Variants in DOCK2 observed in about 807,000 individuals in gnomAD.
DOCK2 encodes the protein dedicator of cytokinesis 2, also known as dedicator of cytokinesis protein 2.
In DOCK2, 87 loss-of-function variants were observed where a neutral mutation model predicts 248.9. The ratio of observed to expected loss-of-function variants is 0.35; its 90% CI spans 0.29 to 0.42. DOCK2 has a LOEUF of 0.42. DOCK2 is among the 10% of genes least tolerant of loss of function. The pLI, the probability that DOCK2 is intolerant of heterozygous loss-of-function variation, is 1.00. For missense variants in DOCK2, 1,747 were observed against 2,300.2 expected (o/e 0.76, Z 4.92); for synonymous variants, 805 against 821.6 (o/e 0.98, Z 0.35).
intron 27 of DOCK2, among the ~76,000 whole-genome samples, chr5:169,904,590 A>G (rs964211854): frequency 6.6e-6 from 1 of 152,022 alleles, no homozygotes; most frequent in Non-Finnish European, 1.5e-5. Context: ...CCATCATCTC[A>G]TTCTCTCTCA....
intron 27 of DOCK2, among the ~76,000 whole-genome samples, chr5:169,896,163 C>G (rs1238564265): frequency 1.3e-5 from 2 of 151,396 alleles, no homozygotes; most frequent in Non-Finnish European, 2.9e-5. Context: ...AGCCAGAAAC[C>G]GTTGCTCCTG....
intron 34 of DOCK2, among the ~76,000 whole-genome samples, chr5:170,033,813 A>C (rs1756228158): frequency 1.3e-5 from 2 of 152,216 alleles, no homozygotes; most frequent in South Asian, 4.1e-4. Flanking sequence ...TACTTTTCTC[A>C]CCTAGCTCTA....
chr5:169,951,644 G>C (rs1417760695), intron 27 of DOCK2, among the ~76,000 whole-genome samples: 1 of 152,204 alleles, frequency 6.6e-6, no homozygotes, highest in Non-Finnish European at 1.5e-5. Flanking sequence ...ATAGCATTAT[G>C]ATGAGGGTCC....
At position 170,079,127 on chromosome 5, in the gene DOCK2, C is replaced by T; in HGVS notation, c.5147C>T (p.Ala1716Val). The T allele has an allele frequency of 6.2e-7, 1 of 1,613,722 alleles. No homozygotes were observed. Among genetic ancestry groups the T allele is most frequent in the East Asian group, 2.2e-5 (1 of 44,884 alleles). ...SVVFADEKAA[A>V]ESDLKRLSRK... ...GTTTTTGCGGATGAGAAAGCAGCTG[C>T]AGAGTCGGACCTGAAGCGGGTGAGT... The change falls in exon 49 of 52, where the codon GCA (alanine) becomes GTA (valine). Residue 1716 changes from alanine to valine, a missense_variant. Around this residue, in one of 4 missense-constraint regions of DOCK2, gnomAD observed 513 missense variants for 586.1 expected, o/e 0.88. Coordinates refer to ENST00000520908, the MANE Select transcript of DOCK2 (RefSeq NM_004946.3).
chr5:169,685,574 C>G (rs374486166), intron 8 of DOCK2, among the ~76,000 whole-genome samples: 2 of 152,228 alleles, frequency 1.3e-5, no homozygotes, highest in African/African-American at 2.4e-5. Flanking sequence ...AGGACATGAT[C>G]TCTCTGCCTT....
At chr5:169,721,242 A>G (rs1186752633) in intron 22 of DOCK2, among the ~76,000 whole-genome samples, 1 of 152,208 alleles carries the variant, frequency 6.6e-6, no homozygotes, top group Non-Finnish European at 1.5e-5. Flanking sequence ...TCCTTGCTGT[A>G]TCCCTAGAAT....
At chr5:169,808,169 C>A (rs1335710246) in intron 26 of DOCK2, among the ~76,000 whole-genome samples, 2 of 152,120 alleles carry the variant, frequency 1.3e-5, no homozygotes, top group Admixed American at 1.3e-4. Context: ...TAGTTGGCAT[C>A]ATGGAACAAC....
At chr5:169,859,019 A>T (rs1771034990) in intron 27 of DOCK2, among the ~76,000 whole-genome samples, 2 of 152,172 alleles carry the variant, frequency 1.3e-5, no homozygotes. Context: ...GTTTCAAAAT[A>T]TATTTAAAAA....
intron 27 of DOCK2, among the ~76,000 whole-genome samples, chr5:169,904,870 C>T (rs1037785525): frequency 6.6e-6 from 1 of 152,194 alleles, no homozygotes; most frequent in Non-Finnish European, 1.5e-5. Flanking sequence ...GGCACCTTCA[C>T]TGCTCCACGG....
intron 22 of DOCK2, among the ~76,000 whole-genome samples, chr5:169,735,525 T>C (rs1762990812): frequency 6.6e-6 from 1 of 152,232 alleles, no homozygotes; most frequent in Admixed American, 6.5e-5. Context: ...TTTTACCTTT[T>C]CATTGCCCAC....
intron 27 of DOCK2, among the ~76,000 whole-genome samples, chr5:169,846,267 A>G (rs1770296651): frequency 6.6e-6 from 1 of 152,182 alleles, no homozygotes. Context: ...TTTCAGGGAT[A>G]GGAACATTGC....
At chr5:169,738,494 G>A (rs997076782) in intron 22 of DOCK2, among the ~76,000 whole-genome samples, 1 of 152,174 alleles carries the variant, frequency 6.6e-6, no homozygotes, top group African/African-American at 2.4e-5. Context: ...TTAGCCCAAG[G>A]CTTTGACTTG....
intron 22 of DOCK2, among the ~76,000 whole-genome samples, chr5:169,737,586 A>C (rs572389269): frequency 1.3e-5 from 2 of 152,262 alleles, no homozygotes; most frequent in African/African-American, 4.8e-5. Context: ...AGCAAGGCAG[A>C]ATTAGAGGGT....
At chr5:169,885,284 C>G (rs1449924779) in intron 27 of DOCK2, among the ~76,000 whole-genome samples, 1 of 152,210 alleles carries the variant, frequency 6.6e-6, no homozygotes, top group African/African-American at 2.4e-5. Context: ...AGGCTGGAAC[C>G]ATCTCATTCA....
intron 27 of DOCK2, among the ~76,000 whole-genome samples, chr5:169,926,110 G>A (rs1175761243): frequency 6.6e-6 from 1 of 152,136 alleles, no homozygotes; most frequent in Non-Finnish European, 1.5e-5. Context: ...GGGATGCTGT[G>A]GGAAAACATA....
chr5:169,698,448 C>T lies in DOCK2; in HGVS notation c.1054C>T (p.Pro352Ser). Residue 352 changes from proline (P) to serine (S), a missense_variant and splice_region_variant, in exon 11 of 52, where the codon CCG becomes TCG. Around this residue, in one of 4 missense-constraint regions of DOCK2, gnomAD observed 375 missense variants for 510.9 expected, o/e 0.73. Coordinates refer to ENST00000520908, the MANE Select transcript of DOCK2 (RefSeq NM_004946.3). Reference protein sequence around the residue: ...EEKQHFIPFHPVTAENDFLHS... With the variant: ...EEKQHFIPFHSVTAENDFLHS... ...AAAGCAGCACTTCATTCCTTTTCAC[C>T]CGTAAGACATTTCCCATTTCTTTCC... 1 of 1,613,968 alleles carries T rather than the reference C, an allele frequency of 6.2e-7. No individual in the cohort carries two copies.
At position 169,698,857 on chromosome 5, in the gene DOCK2, G is replaced by C. The variant is rs1342452430; in HGVS notation, c.1055+408G>C. Among the ~76,000 whole-genome samples, 8 of 152,208 alleles carry C rather than the reference G, an allele frequency of 5.3e-5. No individual in the cohort carries two copies. The East Asian group carries it at 1.5e-3, about 29-fold the overall frequency. ...GCTGTGAAGCAGCAGCATTTCAGGAGCGTGTGGCAGGGAATCCTAACCTGG... is the reference window on the plus strand; with the variant it reads ...GCTGTGAAGCAGCAGCATTTCAGGACCGTGTGGCAGGGAATCCTAACCTGG... On this transcript the variant is annotated intron_variant, in intron 11 of 51. Transcript: ENST00000520908.
At chr5:169,786,708 C>T (rs1766003071) in intron 25 of DOCK2, among the ~76,000 whole-genome samples, 1 of 152,116 alleles carries the variant, frequency 6.6e-6, no homozygotes, top group South Asian at 2.1e-4. Flanking sequence ...AGTATAATCC[C>T]TTGGGTAATT....
At chr5:169,705,564 A>G (rs1761218085) in intron 14 of DOCK2, among the ~76,000 whole-genome samples, 1 of 152,162 alleles carries the variant, frequency 6.6e-6, no homozygotes, top group Non-Finnish European at 1.5e-5. Context: ...AGGACCAGCA[A>G]TGGCACTTTG....
Sources: gnomAD v4.1 joint callset for allele counts (sites outside exome capture counted in the v4.1 genomes callset) on GRCh38, gnomAD v4.1.1 for gene constraint, gnomAD v4.1.1 regional missense constraint, MANE v1.5 for transcripts, NCBI Gene and HGNC (gene_info 2026-07-23, HGNC 2026-07-21) for gene names.